Variants in GIN1 observed in about 807,000 individuals in gnomAD.
The protein encoded by GIN1 is gypsy retrotransposon integrase 1, also known as gypsy retrotransposon integrase-like protein 1.
In GIN1, 41 loss-of-function variants were observed where a neutral mutation model predicts 51.4. The ratio of observed to expected loss-of-function variants is 0.80; its 90% CI spans 0.62 to 1.04. The LOEUF (loss-of-function observed/expected upper bound fraction) is 1.04, where lower values mean the gene tolerates loss of function less well. Among genes scored for constraint, GIN1 ranks in the 50% least tolerant of loss-of-function variants. GIN1 has a pLI of 0.00. For missense variants in GIN1, 610 were observed against 612.4 expected (o/e 1.00, Z 0.04); for synonymous variants, 222 against 206.5 (o/e 1.07, Z -0.64).
intron 3 of GIN1, 34 bp from the exon 4 acceptor site, chr5:103,104,880 A>G (rs1554196144): frequency 8.1e-7 from 1 of 1,235,152 alleles, no homozygotes. Flanking sequence ...AAACACATAC[A>G]AATGTTAACA....
At chr5:103,108,338 T>C (rs961507815) in intron 2 of GIN1, among the ~76,000 whole-genome samples, 8 of 152,086 alleles carry the variant, frequency 5.3e-5, no homozygotes, top group Non-Finnish European at 1.2e-4. Flanking sequence ...TGTTTTGTTT[T>C]CTTTCATGGT....
rs1554196344 is a variant in GIN1 at position 103,106,839 on chromosome 5, T to A, written c.210A>T (p.Lys70Asn). Residue 70 changes from lysine to asparagine, a missense_variant, in exon 3 of 8, where the codon AAA becomes AAT. By Grantham distance (94) the Lys-to-Asn change is moderately conservative. Coordinates refer to ENST00000399004, the MANE Select transcript of GIN1 (RefSeq NM_017676.2). ...CATGGCATTCTCTTAAGACTTTCTT[T>A]TTTTCCTCTTCTGAAACAATTACCA... is the stretch of plus-strand genomic sequence containing the variant. ...NRLVIVSEEE[K>N]KKVLRECHEN... The A allele has an allele frequency of 1.2e-6, 2 of 1,604,198 alleles. No individual in the cohort carries two copies. The highest frequency in any genetic ancestry group is 1.7e-6 in the Non-Finnish European group (2 of 1,174,656).
chr5:103,116,138 C>T (rs1788024530), intron 1 of GIN1, among the ~76,000 whole-genome samples: 1 of 152,010 alleles, frequency 6.6e-6, no homozygotes. Context: ...CAGGCTGATT[C>T]TAAAATTGAT....
chr5:103,097,353 A>C lies in GIN1; in HGVS notation c.969T>G (p.Ala323=). ...TTGTCTTATTCTCCATTATTTTATC[A>C]GCTTCTTTAATTGCATCTAGAATTT... ...FAKILDAIKE[A]DKIMENKTTS... The change falls in exon 6 of 8, where the codon GCT becomes GCG. Residue 323 remains alanine (A), a synonymous_variant. Transcript: ENST00000399004. 1 of 1,600,536 alleles carries C rather than the reference A, an allele frequency of 6.2e-7. No homozygotes were observed. Among genetic ancestry groups the C allele is most frequent in the Non-Finnish European group, 8.6e-7 (1 of 1,168,496 alleles).
At chr5:103,099,854 A>G (rs1787519288) in intron 4 of GIN1, among the ~76,000 whole-genome samples, 1 of 152,188 alleles carries the variant, frequency 6.6e-6, no homozygotes, top group African/African-American at 2.4e-5. Context: ...AAACATCTGT[A>G]TTTTTATTCA....
intron 7 of GIN1, among the ~76,000 whole-genome samples, chr5:103,089,159 C>T (rs1787165593): frequency 6.6e-6 from 1 of 152,136 alleles, no homozygotes; most frequent in Admixed American, 6.5e-5. Context: ...GACAGGGAGT[C>T]TTCCTGGTCA....
At chr5:103,102,525 G>A (rs1249100381) in intron 4 of GIN1, 2 of 152,214 alleles carry the variant, frequency 1.3e-5, no homozygotes, top group Non-Finnish European at 2.9e-5. Flanking sequence ...CAGGAAATGA[G>A]GGTGGCAGTG....
chr5:103,106,651 A>G (rs1787731871), intron 3 of GIN1, 65 bp downstream of exon 3: 7 of 960,620 alleles, frequency 7.3e-6, no homozygotes, highest in Admixed American at 3.1e-5. Flanking sequence ...ATCTGGAGAA[A>G]TAATAAATTT....
chr5:103,112,134 TTTG>T lies in GIN1; in HGVS notation c.-7-3423_-7-3421del, dbSNP rs540162296. Among the ~76,000 whole-genome samples the T allele has an allele frequency of 6.6e-5, 10 of 152,214 alleles. No homozygotes were observed. The South Asian group carries it at 2.1e-3, about 32-fold the overall frequency. On this transcript the variant is annotated intron_variant, in intron 1 of 7. Transcript: ENST00000399004. Reference sequence around the variant, plus strand: ...AGACTGAGCTCTTTAAGGTTTTTGGTTTGTTTTTTTCTCATCAAAGTAGTGGGA... The same window carrying T: ...AGACTGAGCTCTTTAAGGTTTTTGGTTTTTTTTCTCATCAAAGTAGTGGGA...
chr5:103,106,552 T>G (rs1554196280), intron 3 of GIN1, 164 bp downstream of exon 3: 3 of 484,916 alleles, frequency 6.2e-6, no homozygotes, highest in African/African-American at 6.1e-5. Flanking sequence ...CAAATTATAC[T>G]TAAGTGATTT....
intron 7 of GIN1, among the ~76,000 whole-genome samples, chr5:103,089,939 G>A (rs559205764): frequency 6.6e-6 from 1 of 151,990 alleles, no homozygotes; most frequent in Non-Finnish European, 1.5e-5. Flanking sequence ...GTGGGCTTGG[G>A]CTTGTATGGC....
intron 3 of GIN1, chr5:103,106,449 CA>C: frequency 3.7e-6 from 1 of 270,458 alleles, no homozygotes; most frequent in South Asian, 7.0e-5. Context: ...TCTGCCTACA[CA>C]AAAAAGTTCA....
At chr5:103,108,820 C>T (rs1787797878) in intron 1 of GIN1, 106 bp from the exon 2 acceptor site, 2 of 719,692 alleles carry the variant, frequency 2.8e-6, no homozygotes, top group Non-Finnish European at 4.6e-6. Flanking sequence ...ACCGAGAATT[C>T]CCAGAATTTA....
chr5:103,107,884 T>C (rs1468943445), intron 2 of GIN1, among the ~76,000 whole-genome samples: 2 of 152,104 alleles, frequency 1.3e-5, no homozygotes, highest in Non-Finnish European at 2.9e-5. Context: ...TTTATTAACC[T>C]GTTTTGGGGT....
intron 1 of GIN1, among the ~76,000 whole-genome samples, chr5:103,118,534 AG>A (rs1554197686): frequency 6.6e-6 from 1 of 152,172 alleles, no homozygotes; most frequent in East Asian, 1.9e-4. Context: ...GAAAATAATC[AG>A]AAGACTCACG....
At chr5:103,095,939 C>A (rs782065169) in intron 7 of GIN1, among the ~76,000 whole-genome samples, 1 of 152,042 alleles carries the variant, frequency 6.6e-6, no homozygotes, top group East Asian at 1.9e-4. Flanking sequence ...AACAAACAAA[C>A]AAAACATTGA....
At position 103,101,112 on chromosome 5, in the gene GIN1, C is replaced by T. The variant is rs527632795; in HGVS notation, c.640-3331G>A. ...GTTAACAACTAAAAATAAAATAGGA[C>T]GATTAACAATATGCCAACATCACTA... On this transcript the variant is annotated intron_variant, in intron 4 of 7. Transcript: ENST00000399004. Among the ~76,000 whole-genome samples the T allele has an allele frequency of 5.9e-5, 9 of 152,200 alleles. No homozygotes were observed. The South Asian group carries it at 1.4e-3, about 25-fold the overall frequency.
chr5:103,113,723 T>C (rs953683878), intron 1 of GIN1, among the ~76,000 whole-genome samples: 2 of 152,070 alleles, frequency 1.3e-5, no homozygotes, highest in Non-Finnish European at 2.9e-5. Flanking sequence ...GGTTTCACGA[T>C]GTTGGCCAGG....
At position 103,111,974 on chromosome 5, in the gene GIN1, A is replaced by G. The variant is rs143734479; in HGVS notation, c.-7-3260T>C. Among the ~76,000 whole-genome samples the G allele has an allele frequency of 1.4e-3, 215 of 152,334 alleles. 1 individual carries two copies. The highest frequency in any genetic ancestry group is 5.1e-3 in the African/African-American group (211 of 41,586). On this transcript the variant is annotated intron_variant, in intron 1 of 7. Transcript: ENST00000399004. Reference sequence around the variant, plus strand: ...TCTCAGAAAAGGTCTATTTACTGAAATTAACTTCTCTGCTTTGAAATCTTT... The same window carrying G: ...TCTCAGAAAAGGTCTATTTACTGAAGTTAACTTCTCTGCTTTGAAATCTTT...
Sources: allele counts gnomAD v4.1 joint callset (sites outside exome capture counted in the v4.1 genomes callset), GRCh38; gene constraint gnomAD v4.1.1; transcripts MANE v1.5; gene names NCBI Gene and HGNC (gene_info 2026-07-23, HGNC 2026-07-21).